The following GATAD2A variants were observed in gnomAD, a reference collection of about 807,000 sequenced individuals.
GATAD2A encodes the protein GATA zinc finger domain containing 2A.
Under a neutral mutation model 68.5 loss-of-function variants are expected in GATAD2A, and 12 were observed. That is an observed-to-expected ratio of 0.18 (90% CI 0.11 to 0.28). GATAD2A has a LOEUF of 0.28. Ranked by LOEUF, GATAD2A falls within the 10% of genes least tolerant of loss-of-function variation. GATAD2A has a pLI of 1.00. For synonymous variants in GATAD2A, 410 were observed against 375.3 expected (o/e 1.09, Z -1.07); for missense variants, 755 against 868.5 (o/e 0.87, Z 1.64).
At chr19:19,470,101 C>T (rs562410382) in intron 2 of GATAD2A, among the ~76,000 whole-genome samples, 1 of 151,316 alleles carries the variant, frequency 6.6e-6, no homozygotes, top group Non-Finnish European at 1.5e-5. Context: ...AGATAAAAGA[C>T]ACTTTAAGAC....
chr19:19,474,288 G>A (rs1040586718), intron 2 of GATAD2A: 17 of 352,540 alleles, frequency 4.8e-5, no homozygotes, highest in African/African-American at 6.7e-5. Flanking sequence ...TGGTGTGCCC[G>A]AGACAGTGAG....
chr19:19,392,956 A>G (rs2048956868), intron 1 of GATAD2A, among the ~76,000 whole-genome samples: 1 of 152,088 alleles, frequency 6.6e-6, no homozygotes, highest in African/African-American at 2.4e-5. Flanking sequence ...CGGACTGCCA[A>G]AGTGTTGGGA....
At chr19:19,406,443 C>A (rs1225528434) in intron 1 of GATAD2A, among the ~76,000 whole-genome samples, 1 of 151,348 alleles carries the variant, frequency 6.6e-6, no homozygotes, top group East Asian at 2.0e-4. Flanking sequence ...GGCAGCAACG[C>A]TGAACCCCGC....
intron 2 of GATAD2A, among the ~76,000 whole-genome samples, chr19:19,468,948 A>G (rs1007805872): frequency 6.6e-6 from 1 of 152,256 alleles, no homozygotes; most frequent in Admixed American, 6.5e-5. Flanking sequence ...TGTTGGGTTT[A>G]TAATATCCAC....
At chr19:19,480,593 G>A (rs1393923590) in intron 2 of GATAD2A, among the ~76,000 whole-genome samples, 3 of 152,224 alleles carry the variant, frequency 2.0e-5, no homozygotes, top group Non-Finnish European at 2.9e-5. Context: ...GGATACCACA[G>A]AGACACTACT....
At chr19:19,456,100 G>C (rs1358526957) in intron 1 of GATAD2A, among the ~76,000 whole-genome samples, 1 of 149,156 alleles carries the variant, frequency 6.7e-6, no homozygotes, top group Non-Finnish European at 1.5e-5. Context: ...TTTGCAGTGA[G>C]CCGAGATCGC....
At chr19:19,464,347 C>T (rs2057701567) in intron 1 of GATAD2A, among the ~76,000 whole-genome samples, 3 of 152,194 alleles carry the variant, frequency 2.0e-5, no homozygotes, top group Admixed American at 2.0e-4. Flanking sequence ...TTTTAAGAAC[C>T]TGACTCTCTC....
At chr19:19,483,796 T>G (rs2059224200) in intron 2 of GATAD2A, among the ~76,000 whole-genome samples, 1 of 149,614 alleles carries the variant, frequency 6.7e-6, no homozygotes, top group Admixed American at 6.9e-5. Flanking sequence ...TTTTTTTTTT[T>G]TTTTTGTATT....
intron 1 of GATAD2A, among the ~76,000 whole-genome samples, chr19:19,388,522 CA>C (rs2048618223): frequency 6.6e-6 from 1 of 151,880 alleles, no homozygotes; most frequent in Non-Finnish European, 1.5e-5. Context: ...AGGGGAAAGT[CA>C]AAAAGCATGA....
chr19:19,468,665 T>G (rs903090354), intron 2 of GATAD2A, among the ~76,000 whole-genome samples: 21 of 152,316 alleles, frequency 1.4e-4, no homozygotes, highest in African/African-American at 5.1e-4. Context: ...ATGTTAAAAG[T>G]ATCCAAAGAA....
At chr19:19,463,871 GGA>G (rs1457943946) in intron 1 of GATAD2A, among the ~76,000 whole-genome samples, 1 of 152,234 alleles carries the variant, frequency 6.6e-6, no homozygotes, top group African/African-American at 2.4e-5. Flanking sequence ...TCTGGCTCCA[GGA>G]GCGTGAAGCA....
At chr19:19,443,637 C>T (rs563835983) in intron 1 of GATAD2A, among the ~76,000 whole-genome samples, 8 of 152,184 alleles carry the variant, frequency 5.3e-5, no homozygotes, top group South Asian at 2.1e-4. Context: ...GGGTGGTCCC[C>T]GATGGCCGTG....
At chr19:19,412,641 TA>T (rs1300950627) in intron 1 of GATAD2A, among the ~76,000 whole-genome samples, 2 of 151,748 alleles carry the variant, frequency 1.3e-5, no homozygotes, top group Non-Finnish European at 2.9e-5. Flanking sequence ...GCGGGGGGGA[TA>T]AAAAAGGTCT....
At chr19:19,406,451 C>CGCGGCGGCGGCG (rs535696257) in intron 1 of GATAD2A, among the ~76,000 whole-genome samples, 11 of 147,214 alleles carry the variant, frequency 7.5e-5, no homozygotes, top group African/African-American at 1.5e-4. Context: ...CGCTGAACCC[C>CGCGGCGGCGGCG]GCGGCGGCGG....
intron 2 of GATAD2A, among the ~76,000 whole-genome samples, chr19:19,473,453 G>T (rs1013975932): frequency 6.6e-6 from 1 of 152,184 alleles, no homozygotes; most frequent in South Asian, 2.1e-4. Flanking sequence ...GTCGCAATTG[G>T]TGACACTGGT....
At chr19:19,437,563 A>G (rs2054510941) in intron 1 of GATAD2A, among the ~76,000 whole-genome samples, 1 of 152,204 alleles carries the variant, frequency 6.6e-6, no homozygotes, top group African/African-American at 2.4e-5. Context: ...CCAAAAGGAA[A>G]CAGCATACTC....
intron 1 of GATAD2A, among the ~76,000 whole-genome samples, chr19:19,398,281 G>A (rs546116717): frequency 2.0e-5 from 3 of 149,516 alleles, no homozygotes; most frequent in South Asian, 4.3e-4. Flanking sequence ...TCGGGTCACC[G>A]CAACCTCCGC....
intron 1 of GATAD2A, among the ~76,000 whole-genome samples, chr19:19,451,406 C>G (rs954798311): frequency 6.6e-6 from 1 of 152,174 alleles, no homozygotes; most frequent in Non-Finnish European, 1.5e-5. Flanking sequence ...AGGCACTGAT[C>G]AGGCTCCTCG....
At chr19:19,501,457 C>A in intron 9 of GATAD2A, 41 bp downstream of exon 9, 1 of 1,490,552 alleles carries the variant, frequency 6.7e-7, no homozygotes, top group Non-Finnish European at 9.1e-7. Context: ...CCCTAGGAGG[C>A]AGAGGCCGTT....
Sources: allele counts gnomAD v4.1 joint callset (sites outside exome capture counted in the v4.1 genomes callset), GRCh38; gene constraint gnomAD v4.1.1; transcripts MANE v1.5; gene names NCBI Gene and HGNC (gene_info 2026-07-23, HGNC 2026-07-21).